DCC: variants seen among roughly 807,000 people sequenced by gnomAD.
The protein encoded by DCC is netrin receptor DCC.
A neutral mutation model predicts 172.5 loss-of-function variants in DCC; 58 were observed. The observed-to-expected ratio is 0.34, with a 90% CI of 0.27 to 0.42. The LOEUF is 0.42. Ranked by LOEUF, DCC falls within the 10% of genes least tolerant of loss-of-function variation. The pLI is 1.00. For synonymous variants in DCC, 709 were observed against 644.5 expected (o/e 1.10, Z -1.52); for missense variants, 1,740 against 1,791.0 (o/e 0.97, Z 0.51).
intron 7 of DCC, among the ~76,000 whole-genome samples, chr18:53,135,523 A>C (rs1161342495): frequency 6.6e-6 from 1 of 152,138 alleles, no homozygotes; most frequent in African/African-American, 2.4e-5. Context: ...ATTTTCTGCA[A>C]GTGTTGCTGG....
intron 12 of DCC, among the ~76,000 whole-genome samples, chr18:53,261,746 G>T (rs999198876): frequency 2.0e-5 from 3 of 152,126 alleles, no homozygotes; most frequent in Non-Finnish European, 2.9e-5. Flanking sequence ...TGATCCACCT[G>T]CCTTGGCCTC....
intron 1 of DCC, among the ~76,000 whole-genome samples, chr18:52,568,778 G>T (rs564270969): frequency 5.3e-5 from 8 of 152,138 alleles, no homozygotes; most frequent in Non-Finnish European, 7.4e-5. Flanking sequence ...AACGTGCAAG[G>T]TGTGGTCTCT....
chr18:53,354,852 T>A (rs2057858726), intron 15 of DCC, among the ~76,000 whole-genome samples: 1 of 146,558 alleles, frequency 6.8e-6, no homozygotes, highest in African/African-American at 2.6e-5. Context: ...TCCTTGCCCA[T>A]GCCTATGTCC....
At chr18:53,158,085 C>A (rs1002488699) in intron 8 of DCC, among the ~76,000 whole-genome samples, 1 of 151,780 alleles carries the variant, frequency 6.6e-6, no homozygotes, top group African/African-American at 2.4e-5. Context: ...ATCATGTATC[C>A]CATAAATATG....
intron 5 of DCC, 54 bp from the exon 6 acceptor site, chr18:53,063,251 A>G: frequency 6.4e-7 from 1 of 1,561,760 alleles, no homozygotes; most frequent in Non-Finnish European, 8.8e-7. Flanking sequence ...CCTCAGCAGC[A>G]TGCAAGTTCA....
intron 1 of DCC, among the ~76,000 whole-genome samples, chr18:52,719,506 G>T (rs2036440375): frequency 2.0e-5 from 3 of 151,982 alleles, no homozygotes; most frequent in Admixed American, 2.0e-4. Flanking sequence ...AGCTATACCA[G>T]GCACTCTGTT....
At chr18:52,701,961 C>T (rs2036131359) in intron 1 of DCC, among the ~76,000 whole-genome samples, 1 of 152,150 alleles carries the variant, frequency 6.6e-6, no homozygotes, top group Non-Finnish European at 1.5e-5. Context: ...AAAAAACAAC[C>T]TTGATGTTAC....
At chr18:53,271,934 G>A (rs1331739923) in intron 12 of DCC, among the ~76,000 whole-genome samples, 2 of 152,134 alleles carry the variant, frequency 1.3e-5, no homozygotes, top group Non-Finnish European at 2.9e-5. Flanking sequence ...ATACAGCAAC[G>A]TATTTTGTAT....
chr18:53,431,854 C>T (rs1568128938), intron 21 of DCC, among the ~76,000 whole-genome samples: 1 of 152,042 alleles, frequency 6.6e-6, no homozygotes. Context: ...AAATAAACTA[C>T]TGATTTCTAA....
At chr18:52,795,155 G>T (rs1024079318) in intron 2 of DCC, among the ~76,000 whole-genome samples, 20 of 151,918 alleles carry the variant, frequency 1.3e-4, no homozygotes, top group Non-Finnish European at 2.5e-4. Flanking sequence ...GAATGAGTTA[G>T]GAATAACTGT....
At chr18:52,593,013 G>A (rs781688200) in intron 1 of DCC, among the ~76,000 whole-genome samples, 4 of 152,138 alleles carry the variant, frequency 2.6e-5, no homozygotes, top group Non-Finnish European at 4.4e-5. Flanking sequence ...GAAAGTTTTT[G>A]TCATATCTAG....
intron 21 of DCC, among the ~76,000 whole-genome samples, chr18:53,424,610 G>C (rs1207491336): frequency 6.6e-6 from 1 of 150,878 alleles, no homozygotes; most frequent in Non-Finnish European, 1.5e-5. Flanking sequence ...AAATATATGA[G>C]TAGAACTAGA....
At chr18:53,091,364 A>G (rs1422357696) in intron 7 of DCC, among the ~76,000 whole-genome samples, 1 of 147,722 alleles carries the variant, frequency 6.8e-6, no homozygotes, top group East Asian at 1.9e-4. Context: ...TATATATACT[A>G]ATATATATAA....
chr18:53,387,552 G>C (rs1003679322), intron 16 of DCC, among the ~76,000 whole-genome samples: 4 of 152,172 alleles, frequency 2.6e-5, no homozygotes, highest in Non-Finnish European at 5.9e-5. Context: ...TATCAAACGT[G>C]TTATCTCCAA....
chr18:52,995,338 G>C (rs1684586305), intron 5 of DCC, among the ~76,000 whole-genome samples: 1 of 152,060 alleles, frequency 6.6e-6, no homozygotes, highest in South Asian at 2.1e-4. Flanking sequence ...AGCAAACTCG[G>C]ATCTGACTTT....
chr18:52,825,973 A>G (rs182817820), intron 2 of DCC, among the ~76,000 whole-genome samples: 109 of 152,344 alleles, frequency 7.2e-4, no homozygotes, highest in Non-Finnish European at 1.4e-3. Context: ...GAAATCCATA[A>G]GCCAAAAAGA....
At chr18:52,909,601 G>A (rs12455748) in intron 3 of DCC, among the ~76,000 whole-genome samples, 7 of 151,902 alleles carry the variant, frequency 4.6e-5, no homozygotes, top group Admixed American at 4.6e-4. Flanking sequence ...TTATATATCA[G>A]GTGTCTTCTA....
intron 5 of DCC, among the ~76,000 whole-genome samples, chr18:52,961,370 A>C (rs1234936372): frequency 6.6e-6 from 1 of 152,192 alleles, no homozygotes; most frequent in African/African-American, 2.4e-5. Context: ...GAGATCTGGC[A>C]AAACTTTGTC....
intron 13 of DCC, among the ~76,000 whole-genome samples, chr18:53,306,242 T>C (rs2057198965): frequency 6.6e-6 from 1 of 152,222 alleles, no homozygotes; most frequent in Non-Finnish European, 1.5e-5. Flanking sequence ...CTATGAAAAC[T>C]GGACCCAGTT....
Sources: allele counts gnomAD v4.1 joint callset (sites outside exome capture counted in the v4.1 genomes callset), GRCh38; gene constraint gnomAD v4.1.1; transcripts MANE v1.5; gene names NCBI Gene and HGNC (gene_info 2026-07-23, HGNC 2026-07-21).